PHKB: variants seen among roughly 807,000 people sequenced by gnomAD.
PHKB encodes the protein phosphorylase kinase regulatory subunit beta, also known as phosphorylase b kinase regulatory subunit beta.
PHKB carries 122 observed loss-of-function variants against 152.1 expected under a neutral mutation model. The observed-to-expected ratio is 0.80, with a 90% CI of 0.69 to 0.93. The LOEUF (loss-of-function observed/expected upper bound fraction) is 0.93, where lower values mean the gene tolerates loss of function less well. PHKB is among the 40% of genes least tolerant of loss of function. The pLI, the probability that PHKB is intolerant of heterozygous loss-of-function variation, is 0.00. For missense variants in PHKB, 1,304 were observed against 1,328.4 expected, an observed-to-expected ratio of 0.98 and a Z score of 0.29; for synonymous variants, 436 against 464.9, an observed-to-expected ratio of 0.94 and a Z score of 0.80.
chr16:47,559,103 T>TTATGCATTGGGG (rs1185311216), intron 7 of PHKB, among the ~76,000 whole-genome samples: 4 of 152,230 alleles, frequency 2.6e-5, no homozygotes, highest in African/African-American at 2.4e-5. Context: ...ATGTAAGTTT[T>TTATGCATTGGGG]TATGCATTGG....
chr16:47,566,522 A>G (rs1256106217), intron 7 of PHKB: 13 of 1,604,058 alleles, frequency 8.1e-6, no homozygotes, highest in Admixed American at 1.7e-5. Flanking sequence ...CACGTGGTAA[A>G]AGCACTGCAC....
In PHKB at chr16:47,641,592, T is replaced by C. The variant is rs1351783019; in HGVS notation, c.1515-7T>C. ...AAAACGTCTCTTTTTATCCCTATGA[T>C]CTTTAGACTTCAAGTTTTTCTGAAC... is the stretch of plus-strand genomic sequence containing the variant. On this transcript the variant is annotated splice_polypyrimidine_tract_variant and splice_region_variant and intron_variant, in intron 15 of 30. Transcript: ENST00000323584. The C allele has an allele frequency of 6.9e-7, 1 of 1,459,536 alleles. No homozygotes were observed. The highest frequency in any genetic ancestry group is 1.7e-5 in the Admixed American group (1 of 59,804). The allele number at this position is 1,459,536 out of a possible 1,614,324, so 90.4% of individuals were successfully genotyped here. A position where few individuals can be genotyped will look rare whatever the true frequency, so the allele number is the denominator to read the frequency against.
chr16:47,465,661 G>A (rs934097474), intron 1 of PHKB, among the ~76,000 whole-genome samples: 7 of 152,076 alleles, frequency 4.6e-5, no homozygotes, highest in Non-Finnish European at 8.8e-5. Flanking sequence ...AAAATAATAA[G>A]TACCATACCT....
intron 13 of PHKB, among the ~76,000 whole-genome samples, chr16:47,602,588 T>C (rs943073513): frequency 2.0e-5 from 3 of 149,922 alleles, no homozygotes; most frequent in African/African-American, 4.9e-5. Flanking sequence ...TCCTGTGCTG[T>C]AGTGAAAGGT....
intron 5 of PHKB, among the ~76,000 whole-genome samples, chr16:47,512,208 A>G (rs574304537): frequency 6.6e-6 from 1 of 152,362 alleles, no homozygotes; most frequent in East Asian, 1.9e-4. Flanking sequence ...ATTACATTCT[A>G]TAAATTGTTC....
At chr16:47,478,667 G>A (rs914675437) in intron 1 of PHKB, among the ~76,000 whole-genome samples, 1 of 152,058 alleles carries the variant, frequency 6.6e-6, no homozygotes, top group African/African-American at 2.4e-5. Flanking sequence ...GAAATCATAT[G>A]TAAATAGCTC....
At chr16:47,617,586 T>A (rs918610009) in intron 14 of PHKB, among the ~76,000 whole-genome samples, 4 of 152,324 alleles carry the variant, frequency 2.6e-5, no homozygotes, top group Admixed American at 2.6e-4. Context: ...ATAATTTCCA[T>A]ACTAATGTTT....
intron 7 of PHKB, among the ~76,000 whole-genome samples, chr16:47,558,419 G>A (rs1305186673): frequency 1.3e-5 from 2 of 152,004 alleles, no homozygotes; most frequent in Non-Finnish European, 2.9e-5. Context: ...AAAATGTGAG[G>A]TCATGTTATG....
intron 8 of PHKB, among the ~76,000 whole-genome samples, chr16:47,583,560 TAA>T (rs201946205): frequency 0.011 from 1,684 of 147,314 alleles, 27 homozygotes; most frequent in African/African-American, 0.044. Flanking sequence ...CGTGTGTCTT[TAA>T]CTAAATTAAT....
chr16:47,590,334 G>A (rs1235429643), intron 10 of PHKB: 1 of 147,758 alleles, frequency 6.8e-6, no homozygotes, highest in Non-Finnish European at 1.5e-5. Context: ...TGCCCAGGCT[G>A]GACTGGAACT....
intron 14 of PHKB, among the ~76,000 whole-genome samples, chr16:47,624,498 T>C (rs1290631386): frequency 1.3e-5 from 2 of 152,202 alleles, no homozygotes; most frequent in African/African-American, 4.8e-5. Flanking sequence ...TGGGTTCTAG[T>C]ACATGCCAAG....
rs570738368 is a variant in PHKB, at chr16:47,645,495, C to G, written c.1609-3038C>G. Among the ~76,000 whole-genome samples, 428 of 125,120 alleles carry G rather than the reference C, an allele frequency of 3.4e-3. 3 individuals are homozygous for G. Among genetic ancestry groups the G allele is most frequent in the African/African-American group, 0.012 (404 of 32,754 alleles). The allele number at this position is 125,120 out of a possible 152,430, so 82.1% of individuals were successfully genotyped here. On this transcript the variant is annotated intron_variant, in intron 16 of 30. Transcript: ENST00000323584. ...AATCCTTTCCCCATTGCTTGTTTTT[C>G]TCAGGTTTGTCAAAGATCAGATAGT...
At chr16:47,565,138 A>T (rs1263799663) in intron 7 of PHKB, 2 of 537,354 alleles carry the variant, frequency 3.7e-6, no homozygotes, top group African/African-American at 3.8e-5. Context: ...AGACAGCAGC[A>T]TACTTGCTTG....
intron 26 of PHKB, among the ~76,000 whole-genome samples, chr16:47,677,938 G>T (rs553300057): frequency 8.2e-5 from 9 of 110,092 alleles, no homozygotes; most frequent in Admixed American, 5.1e-4. Flanking sequence ...CCCCACAACA[G>T]TCCCCGGAGT....
chr16:47,495,200 T>TG (rs1325267483), intron 1 of PHKB, among the ~76,000 whole-genome samples: 1 of 151,922 alleles, frequency 6.6e-6, no homozygotes, highest in Admixed American at 6.5e-5. Flanking sequence ...CTTTTTTTTT[T>TG]TTTTTAAGAA....
chr16:47,573,395 C>T (rs1165779386), intron 7 of PHKB, among the ~76,000 whole-genome samples: 3 of 152,246 alleles, frequency 2.0e-5, no homozygotes, highest in Admixed American at 6.5e-5. Flanking sequence ...ACCCCAGTGG[C>T]GATCCGAGGG....
intron 26 of PHKB, among the ~76,000 whole-genome samples, chr16:47,685,195 G>A (rs546790666): frequency 6.6e-6 from 1 of 152,182 alleles, no homozygotes; most frequent in Non-Finnish European, 1.5e-5. Context: ...GGGAGGCCGA[G>A]GTGGGCGGAT....
intron 1 of PHKB, among the ~76,000 whole-genome samples, chr16:47,479,419 A>G (rs1408753804): frequency 2.0e-5 from 3 of 151,416 alleles, no homozygotes; most frequent in Admixed American, 1.3e-4. Context: ...CATCTTCAAC[A>G]TCTCACACCC....
intron 8 of PHKB, among the ~76,000 whole-genome samples, chr16:47,580,928 A>G (rs1458586556): frequency 3.3e-5 from 5 of 152,196 alleles, no homozygotes; most frequent in Non-Finnish European, 7.3e-5. Flanking sequence ...TTATACTGAA[A>G]GAATCTAATC....
Sources: allele counts gnomAD v4.1 joint callset (sites outside exome capture counted in the v4.1 genomes callset), GRCh38; gene constraint gnomAD v4.1.1; transcripts MANE v1.5; gene names NCBI Gene and HGNC (gene_info 2026-07-23, HGNC 2026-07-21).